Variants in ZP3 observed in about 807,000 individuals in gnomAD.
ZP3 encodes the protein zona pellucida sperm-binding protein 3.
Under a neutral mutation model 35.6 loss-of-function variants are expected in ZP3, and 21 were observed. That is an observed-to-expected ratio of 0.59 (90% confidence interval 0.42 to 0.85). The LOEUF (loss-of-function observed/expected upper bound fraction) is 0.85, where lower values mean the gene tolerates loss of function less well. Ranked by LOEUF, ZP3 falls within the 40% of genes least tolerant of loss-of-function variation. The pLI, the probability that ZP3 is intolerant of heterozygous loss-of-function variation, is 0.00. For synonymous variants in ZP3, 207 were observed against 214.5 expected (o/e 0.96, Z 0.31); for missense variants, 437 against 536.5 (o/e 0.81, Z 1.83).
At chr7:76,431,621 T>A (rs1805826163) in intron 2 of ZP3, among the ~76,000 whole-genome samples, 1 of 152,122 alleles carries the variant, frequency 6.6e-6, no homozygotes, top group African/African-American at 2.4e-5. Context: ...TGGCCTTGGC[T>A]GGGCATGGTG....
rs553154022 is a variant in ZP3, at chr7:76,433,117, G to GGTTGGT, written c.535+87_535+88insGTTGGT. 1.0e-4 allele frequency: 116 copies of GGTTGGT among 1,111,330 alleles called. No homozygotes were observed. The East Asian group carries it at 1.2e-3, about 11-fold the overall frequency. 68.8% of individuals were successfully genotyped at this position (1,111,330 alleles called of 1,614,324 possible). On this transcript the variant is annotated intron_variant, in intron 3 of 7. Transcript: ENST00000394857. ...CCTTGGCTGTGTCTTTTTTTTGTTT[G>GGTTGGT]TTTGGTTTTGGTTTTGGTTGGTTTT...
chr7:76,434,689 G>A (rs1487871344), intron 5 of ZP3, among the ~76,000 whole-genome samples: 1 of 147,784 alleles, frequency 6.8e-6, no homozygotes, highest in African/African-American at 2.5e-5. Context: ...TTCTGCAGGG[G>A]CAAAGAAAAC....
At chr7:76,407,865 A>G (rs1380618589) in intron 1 of ZP3, among the ~76,000 whole-genome samples, 2 of 152,172 alleles carry the variant, frequency 1.3e-5, no homozygotes, top group African/African-American at 4.8e-5. Context: ...GGTCTGATGC[A>G]TTGTGTGCAC....
chr7:76,435,705 G>A (rs1285454053), intron 5 of ZP3, among the ~76,000 whole-genome samples: 1 of 151,434 alleles, frequency 6.6e-6, no homozygotes, highest in East Asian at 1.9e-4. Flanking sequence ...ACTTCAGTGT[G>A]CACACCATCT....
intron 5 of ZP3, 45 bp from the exon 6 acceptor site, chr7:76,440,205 G>T: frequency 6.3e-7 from 1 of 1,579,744 alleles, no homozygotes; most frequent in Non-Finnish European, 8.6e-7. Flanking sequence ...AAACTCCCAG[G>T]CACAGCCTGG....
intron 1 of ZP3, chr7:76,404,417 A>G: frequency 6.2e-7 from 1 of 1,614,040 alleles, no homozygotes; most frequent in Non-Finnish European, 8.5e-7. Context: ...GGGACCAATT[A>G]GCATCTCTGC....
intron 1 of ZP3, among the ~76,000 whole-genome samples, chr7:76,409,036 A>G (rs1444019737): frequency 1.3e-5 from 2 of 152,158 alleles, no homozygotes; most frequent in African/African-American, 2.4e-5. Flanking sequence ...ATGTTTTCAC[A>G]AGGCTTAGCC....
In ZP3 at chr7:76,400,202, G is replaced by A. The variant is rs150028943; in HGVS notation, c.-67+2405G>A. 616 of 1,363,526 alleles carry A rather than the reference G, an allele frequency of 4.5e-4. 6 individuals are homozygous for A. In the East Asian group the frequency reaches 0.015, roughly 33 times the overall value. 84.5% of individuals were successfully genotyped at this position (1,363,526 alleles called of 1,614,324 possible). A position where few individuals can be genotyped will look rare whatever the true frequency, so the allele number is the denominator to read the frequency against. On this transcript the variant is annotated intron_variant, in intron 1 of 8. Transcript: ENST00000336517. The stretch of plus-strand genomic sequence containing the variant: ...ATCTGCATGGAACAGCCTTACCTGT[G>A]GGAAGTCCCTTCATTTATCTAGCCT...
At chr7:76,416,950 A>AT (rs1805390643) in intron 1 of ZP3, among the ~76,000 whole-genome samples, 1 of 73,190 alleles carries the variant, frequency 1.4e-5, no homozygotes, top group African/African-American at 8.1e-5. Flanking sequence ...ACATACATAT[A>AT]TATATATATA....
intron 1 of ZP3, among the ~76,000 whole-genome samples, chr7:76,412,790 A>G (rs963776836): frequency 3.3e-5 from 5 of 151,640 alleles, no homozygotes; most frequent in African/African-American, 9.7e-5. Context: ...CGGAAGTTGC[A>G]GTGAGCTGAG....
chr7:76,404,197 GAAC>G (rs1342017327), intron 1 of ZP3: 59 of 1,400,824 alleles, frequency 4.2e-5, no homozygotes, highest in Non-Finnish European at 3.5e-5. Flanking sequence ...GCATTGGAAA[GAAC>G]AACAGGAACG....
chr7:76,402,772 T>C (rs57710245), intron 1 of ZP3, among the ~76,000 whole-genome samples: 27,766 of 152,026 alleles, frequency 0.18, 2,780 homozygotes, highest in South Asian at 0.25. Context: ...TGGGTTCAAG[T>C]GATTCTCCTG....
intron 1 of ZP3, among the ~76,000 whole-genome samples, chr7:76,415,847 G>T (rs1025929589): frequency 2.2e-4 from 34 of 151,724 alleles, no homozygotes; most frequent in Non-Finnish European, 2.7e-4. Flanking sequence ...AAGCAGGCTA[G>T]GGCTAGCCGC....
intron 1 of ZP3, chr7:76,409,486 C>G (rs1183355354): frequency 6.6e-6 from 1 of 152,278 alleles, no homozygotes; most frequent in African/African-American, 2.4e-5. Context: ...TTTGTCTGCC[C>G]CTGGAAGTTT....
intron 1 of ZP3, among the ~76,000 whole-genome samples, chr7:76,406,875 T>G (rs906535981): frequency 3.9e-5 from 6 of 152,114 alleles, no homozygotes; most frequent in Non-Finnish European, 5.9e-5. Context: ...TTCACTTTTT[T>G]TATGTATTTG....
chr7:76,426,853 G>A (rs73363128), intron 1 of ZP3, among the ~76,000 whole-genome samples: 3,875 of 99,300 alleles, frequency 0.039, 152 homozygotes, highest in African/African-American at 0.13. Context: ...AACATAATGA[G>A]ACCCCCTTCT....
chr7:76,426,874 C>CCACACACA (rs369991319), intron 1 of ZP3, among the ~76,000 whole-genome samples: 66 of 126,752 alleles, frequency 5.2e-4, no homozygotes, highest in African/African-American at 1.3e-3. Flanking sequence ...CTACCAAACA[C>CCACACACA]CACACACACA....
chr7:76,424,813 T>C (rs756322139), upstream of ZP3: 2 of 653,340 alleles, frequency 3.1e-6, no homozygotes, highest in Non-Finnish European at 5.1e-6. Flanking sequence ...CAGGTGTTAC[T>C]GATGCTTCTG....
chr7:76,406,753 T>C (rs1226190412), intron 1 of ZP3, among the ~76,000 whole-genome samples: 2 of 151,832 alleles, frequency 1.3e-5, no homozygotes, highest in African/African-American at 4.8e-5. Flanking sequence ...TCTTGCACTT[T>C]TTTTGTTTTT....
Sources: gnomAD v4.1 joint callset for allele counts (sites outside exome capture counted in the v4.1 genomes callset) on GRCh38, gnomAD v4.1.1 for gene constraint, MANE v1.5 for transcripts, NCBI Gene and HGNC (gene_info 2026-07-23, HGNC 2026-07-21) for gene names.